The following CAMK1G variants were observed in gnomAD, a reference collection of about 807,000 sequenced individuals.
The protein encoded by CAMK1G is calcium/calmodulin-dependent protein kinase type 1G.
In CAMK1G, 27 loss-of-function variants were observed where a neutral mutation model predicts 54.8. That is an observed-to-expected ratio of 0.49 (90% CI 0.36 to 0.68). CAMK1G has a LOEUF of 0.68. Among genes scored for constraint, CAMK1G ranks in the 30% least tolerant of loss-of-function variants. CAMK1G has a pLI of 0.00. For missense variants in CAMK1G, 512 were observed against 591.0 expected, an observed-to-expected ratio of 0.87 and a Z score of 1.39; for synonymous variants, 238 against 224.9, an observed-to-expected ratio of 1.06 and a Z score of -0.52.
intron 1 of CAMK1G, among the ~76,000 whole-genome samples, chr1:209,586,210 A>T (rs569981017): frequency 6.6e-6 from 1 of 152,316 alleles, no homozygotes; most frequent in South Asian, 2.1e-4. Flanking sequence ...CCTGTACAAA[A>T]GAGGCACCTC....
At chr1:209,600,697 A>G (rs2102388798) in intron 3 of CAMK1G, among the ~76,000 whole-genome samples, 1 of 152,368 alleles carries the variant, frequency 6.6e-6, no homozygotes, top group South Asian at 2.1e-4. Flanking sequence ...AAATCCAACA[A>G]AATCGGATGT....
chr1:209,597,371 T>G (rs1485020021), intron 2 of CAMK1G, among the ~76,000 whole-genome samples: 1 of 152,250 alleles, frequency 6.6e-6, no homozygotes, highest in Non-Finnish European at 1.5e-5. Context: ...GTGTTGTGTA[T>G]GTATCTGTCT....
intron 6 of CAMK1G, 74 bp from the exon 7 acceptor site, chr1:209,607,784 C>T (rs903049493): frequency 1.6e-4 from 201 of 1,250,556 alleles, no homozygotes; most frequent in Non-Finnish European, 2.1e-4. Context: ...CTTCTCTAAG[C>T]CTGGCCTTCA....
intron 1 of CAMK1G, among the ~76,000 whole-genome samples, chr1:209,588,949 C>T (rs776063332): frequency 1.5e-4 from 23 of 152,204 alleles, no homozygotes; most frequent in Admixed American, 5.2e-4. Context: ...GAAGAACTTT[C>T]CCCTCTGTAG....
chr1:209,606,977 G>T (rs1665664703), intron 6 of CAMK1G, among the ~76,000 whole-genome samples: 1 of 152,158 alleles, frequency 6.6e-6, no homozygotes, highest in African/African-American at 2.4e-5. Context: ...ATCCCTGTAG[G>T]TTTCCAGGGC....
rs1665833478 is a variant in CAMK1G at position 209,613,297 on chromosome 1, T to G, written c.*295T>G. ...CCTGCCTGCTCTATGCCCCACACCC[T>G]ACGTGCCGTGGCTCTGTGCAGTGTA... On this transcript the variant is annotated 3_prime_UTR_variant, in exon 13 of 13. Transcript: ENST00000361322. 1 of 208,120 alleles carries G rather than the reference T, an allele frequency of 4.8e-6. No individual in the cohort carries two copies. The highest frequency in any genetic ancestry group is 8.3e-5 in the South Asian group (1 of 12,046). The allele number at this position is 208,120 out of a possible 1,614,324, so 12.9% of individuals were successfully genotyped here.
intron 1 of CAMK1G, among the ~76,000 whole-genome samples, chr1:209,586,742 G>A (rs1445524561): frequency 6.6e-6 from 1 of 152,116 alleles, no homozygotes; most frequent in Non-Finnish European, 1.5e-5. Context: ...ACATTCAGCA[G>A]ATGAGGAAAC....
In CAMK1G at chr1:209,612,903, C is replaced by T. The variant is rs757518154; in HGVS notation, c.*28C>T. 1 of 1,483,228 alleles carries T rather than the reference C, an allele frequency of 6.7e-7. No individual in the cohort carries two copies. Among genetic ancestry groups the T allele is most frequent in the Non-Finnish European group, 9.4e-7 (1 of 1,062,320 alleles). 91.9% of individuals were successfully genotyped at this position (1,483,228 alleles called of 1,614,324 possible). A position where few individuals can be genotyped will look rare whatever the true frequency, so the allele number is the denominator to read the frequency against. On this transcript the variant is annotated 3_prime_UTR_variant, in exon 12 of 13. Coordinates refer to ENST00000361322, the MANE Select transcript of CAMK1G (RefSeq NM_020439.3). ...CCTGGAGCCTGTGCCTATGTCACTG[C>T]AATTTTCAGGTTAGGAGGGTCACAG...
chr1:209,606,702 T>G (rs551840862), intron 6 of CAMK1G, among the ~76,000 whole-genome samples: 1 of 152,184 alleles, frequency 6.6e-6, no homozygotes, highest in Non-Finnish European at 1.5e-5. Flanking sequence ...CTCTCATTTC[T>G]GCGGATAGAC....
chr1:209,588,561 G>A (rs1297294384), intron 1 of CAMK1G, among the ~76,000 whole-genome samples: 2 of 152,180 alleles, frequency 1.3e-5, no homozygotes, highest in Admixed American at 6.5e-5. Flanking sequence ...AACTCAAATA[G>A]AAAACTTTGG....
intron 8 of CAMK1G, among the ~76,000 whole-genome samples, chr1:209,609,538 T>G (rs374200738): frequency 6.6e-6 from 1 of 152,208 alleles, no homozygotes; most frequent in African/African-American, 2.4e-5. Context: ...TGCGTGCCCA[T>G]GTGCCAGCGC....
At chr1:209,602,964 G>A (rs570135317) in intron 3 of CAMK1G, among the ~76,000 whole-genome samples, 1 of 152,256 alleles carries the variant, frequency 6.6e-6, no homozygotes, top group East Asian at 1.9e-4. Context: ...GCATAACAAG[G>A]AAGTGTTTGT....
Position 209,597,649 on chromosome 1 carries a change from G to A in CAMK1G, c.93-2334G>A, listed in dbSNP as rs142344944. On this transcript the variant is annotated intron_variant, in intron 2 of 12. Transcript: ENST00000361322. ...GTGAATGGATGAATAGAGCAAGCTC[G>A]GGCGGCTTTGATTAACTCAGTTCCA... Among the ~76,000 whole-genome samples, 206 of 152,296 alleles carry A rather than the reference G, an allele frequency of 1.4e-3. 1 individual carries two copies. Among genetic ancestry groups the A allele is most frequent in the African/African-American group, 4.7e-3 (194 of 41,566 alleles).
chr1:209,606,459 G>A lies in CAMK1G; in HGVS notation c.559+16G>A. 1.2e-6 allele frequency: 2 copies of A among 1,611,870 alleles called. No individual in the cohort carries two copies. The highest frequency in any genetic ancestry group is 1.1e-5 in the South Asian group (1 of 90,716). ...GGCTACGTGGGTAAGTCTGGGAGCA[G>A]GAGGAAGGTTGACCAGTTGGCTACA... On this transcript the variant is annotated intron_variant, in intron 6 of 12. Coordinates refer to ENST00000361322, the MANE Select transcript of CAMK1G (RefSeq NM_020439.3).
chr1:209,606,304 A>AT lies in CAMK1G; in HGVS notation c.436-10dup. ...CAGGTGGTTATATCCTACACTACAT[A>AT]TTTTTTCTCCTACAGCCCGAAAACC... On this transcript the variant is annotated splice_polypyrimidine_tract_variant and intron_variant, in intron 5 of 12. Transcript: ENST00000361322. The AT allele has an allele frequency of 6.2e-7, 1 of 1,612,984 alleles. No individual in the cohort carries two copies. The highest frequency in any genetic ancestry group is 8.5e-7 in the Non-Finnish European group (1 of 1,179,508).
chr1:209,585,425 A>G (rs1665071541), intron 1 of CAMK1G, among the ~76,000 whole-genome samples: 1 of 152,240 alleles, frequency 6.6e-6, no homozygotes, highest in African/African-American at 2.4e-5. Context: ...CCACCAGGAA[A>G]GAGGCAACAG....
rs200356538 is a variant in CAMK1G at position 209,612,799 on chromosome 1, A to C, written c.1355A>C (p.Glu452Ala). The C allele has an allele frequency of 6.2e-7, 1 of 1,614,030 alleles. No homozygotes were observed. The highest frequency in any genetic ancestry group is 8.5e-7 in the Non-Finnish European group (1 of 1,179,922). ...KANKKQNFKS[E>A]VMVPVKASGS... is the part of the protein sequence containing the mutation. ...TTCCTTTCTAGGAACTTCAAGTCGG[A>C]GGTCATGGTACCAGTTAAAGCCAGT... Residue 452 changes from glutamate (E) to alanine (A), a missense_variant, in exon 12 of 13, where the codon GAG (glutamate) becomes GCG (alanine). Glu to Ala is a moderately radical substitution (Grantham distance 107, BLOSUM62 -1). This residue lies in a region of CAMK1G where 315 missense variants were observed against 330.5 expected (regional missense o/e 0.95). Coordinates refer to ENST00000361322, the MANE Select transcript of CAMK1G (RefSeq NM_020439.3).
intron 4 of CAMK1G, 132 bp from the exon 5 acceptor site, chr1:209,605,403 GC>G (rs2102392022): frequency 2.0e-6 from 2 of 1,024,644 alleles, no homozygotes; most frequent in Non-Finnish European, 2.8e-6. Flanking sequence ...TCTGCTGGCA[GC>G]CCTTCAATCA....
At chr1:209,586,337 G>A (rs887882458) in intron 1 of CAMK1G, among the ~76,000 whole-genome samples, 2 of 151,974 alleles carry the variant, frequency 1.3e-5, no homozygotes, top group African/African-American at 2.4e-5. Flanking sequence ...AAAACCAACA[G>A]AAGTATTATT....
Sources: allele counts gnomAD v4.1 joint callset (sites outside exome capture counted in the v4.1 genomes callset), GRCh38; gene constraint gnomAD v4.1.1; regional missense constraint gnomAD v4.1.1; transcripts MANE v1.5; gene names NCBI Gene and HGNC (gene_info 2026-07-23, HGNC 2026-07-21).